Variants in ZBBX observed in about 807,000 individuals in gnomAD.
ZBBX encodes the protein zinc finger B-box domain containing.
Under a neutral mutation model 108.5 loss-of-function variants are expected in ZBBX, and 101 were observed. The ratio of observed to expected loss-of-function variants is 0.93; its 90% CI spans 0.79 to 1.10. The LOEUF is 1.10. Among genes scored for constraint, ZBBX ranks in the 50% least tolerant of loss-of-function variants. ZBBX has a pLI of 0.00. For missense variants in ZBBX, 1,009 were observed against 941.4 expected (o/e 1.07, Z -0.94); for synonymous variants, 356 against 323.4 (o/e 1.10, Z -1.08).
the ZBBX span, among the ~76,000 whole-genome samples, chr3:167,208,537 G>A: frequency 8.5e-5 from 13 of 152,140 alleles, no homozygotes; most frequent in Non-Finnish European, 8.8e-5. Flanking sequence ...CTTAGCTCCT[G>A]GATAACATTT....
At chr3:167,371,758 C>A (rs1187496007) in intron 4 of ZBBX, among the ~76,000 whole-genome samples, 1 of 152,094 alleles carries the variant, frequency 6.6e-6, no homozygotes, top group East Asian at 1.9e-4. Flanking sequence ...ACATGGTATA[C>A]CTAAAAATGA....
chr3:167,332,918 G>A (rs139693119), intron 10 of ZBBX, among the ~76,000 whole-genome samples: 1 of 152,184 alleles, frequency 6.6e-6, no homozygotes, highest in Non-Finnish European at 1.5e-5. Context: ...GACAAAAGGA[G>A]ATAATGTGTA....
chr3:167,374,311 C>T (rs1746619123), intron 2 of ZBBX, among the ~76,000 whole-genome samples: 1 of 152,120 alleles, frequency 6.6e-6, no homozygotes, highest in African/African-American at 2.4e-5. Context: ...GGATTTTCTG[C>T]TTAACTTTGA....
At chr3:167,261,003 C>A (rs1162724407) in intron 20 of ZBBX, among the ~76,000 whole-genome samples, 1 of 152,164 alleles carries the variant, frequency 6.6e-6, no homozygotes, top group African/African-American at 2.4e-5. Context: ...TGTTCAGATT[C>A]TTTTGTCCCA....
the ZBBX span, among the ~76,000 whole-genome samples, chr3:167,191,308 G>T: frequency 1.3e-5 from 2 of 152,262 alleles, no homozygotes; most frequent in East Asian, 3.9e-4. Context: ...ATTCTGGATG[G>T]AATCATCTTT....
intron 12 of ZBBX, among the ~76,000 whole-genome samples, chr3:167,320,243 C>A (rs200461057): frequency 2.7e-3 from 266 of 97,864 alleles, no homozygotes; most frequent in Middle Eastern, 0.012. Flanking sequence ...GCAAACTAAC[C>A]AAAAAAAAAA....
chr3:167,366,066 T>C (rs1000568078), intron 5 of ZBBX, 90 bp from the exon 6 acceptor site: 9 of 977,404 alleles, frequency 9.2e-6, no homozygotes, highest in African/African-American at 8.2e-5. Context: ...TTTCAGAAAA[T>C]GGAAATTCAG....
the ZBBX span, among the ~76,000 whole-genome samples, chr3:167,210,571 A>G: frequency 6.6e-6 from 1 of 152,172 alleles, no homozygotes. Flanking sequence ...ATAGAACACC[A>G]AGCATATTTA....
chr3:167,343,677 C>T (rs913941023), intron 9 of ZBBX, among the ~76,000 whole-genome samples: 4 of 151,888 alleles, frequency 2.6e-5, no homozygotes, highest in Admixed American at 1.3e-4. Flanking sequence ...TGTGCTACTG[C>T]TTCATATTAC....
chr3:167,292,321 C>A (rs984979968), intron 18 of ZBBX, among the ~76,000 whole-genome samples: 1 of 152,134 alleles, frequency 6.6e-6, no homozygotes, highest in African/African-American at 2.4e-5. Context: ...CCCTCCTCAG[C>A]AAATGCAAAA....
chr3:167,228,483 T>C, the ZBBX span, among the ~76,000 whole-genome samples: 2 of 151,784 alleles, frequency 1.3e-5, no homozygotes, highest in African/African-American at 2.4e-5. Flanking sequence ...AGACGAAATA[T>C]CTTTGATGGA....
chr3:167,310,538 T>C (rs1475060969), intron 16 of ZBBX, among the ~76,000 whole-genome samples: 1 of 152,156 alleles, frequency 6.6e-6, no homozygotes. Context: ...AGGAGTCTTA[T>C]AATCATGGCA....
chr3:167,376,486 A>G (rs1358366790), intron 2 of ZBBX, among the ~76,000 whole-genome samples: 2 of 152,206 alleles, frequency 1.3e-5, no homozygotes, highest in South Asian at 4.1e-4. Flanking sequence ...AATCTGTCTG[A>G]TTATTAAAAT....
chr3:167,206,124 C>T, the ZBBX span, among the ~76,000 whole-genome samples: 3 of 151,822 alleles, frequency 2.0e-5, no homozygotes, highest in African/African-American at 7.3e-5. Flanking sequence ...AATTTGTTCC[C>T]TTTGACCTAC....
At chr3:167,306,544 G>C (rs1641713842) in intron 16 of ZBBX, among the ~76,000 whole-genome samples, 1 of 152,122 alleles carries the variant, frequency 6.6e-6, no homozygotes, top group Non-Finnish European at 1.5e-5. Context: ...TTTTAACCTG[G>C]TTGCACAGTA....
intron 20 of ZBBX, 66 bp downstream of exon 20, chr3:167,282,172 A>G (rs768787643): frequency 3.0e-5 from 45 of 1,483,032 alleles, no homozygotes; most frequent in Admixed American, 4.3e-5. Context: ...AGCGCAAGAT[A>G]TGAAGAATCC....
chr3:167,220,802 T>G, the ZBBX span, among the ~76,000 whole-genome samples: 1 of 152,030 alleles, frequency 6.6e-6, no homozygotes, highest in South Asian at 2.1e-4. Flanking sequence ...CTTGTTTTCA[T>G]ATAATATCAT....
At chr3:167,248,485 C>G (rs1721984793) in intron 20 of ZBBX, 1 of 268,710 alleles carries the variant, frequency 3.7e-6, no homozygotes, top group South Asian at 3.5e-5. Context: ...AGGCGTCCCC[C>G]ACCACCAACT....
chr3:167,218,983 T>C, the ZBBX span, among the ~76,000 whole-genome samples: 2 of 62,032 alleles, frequency 3.2e-5, no homozygotes, highest in African/African-American at 1.7e-4. Context: ...GTAGCTATAC[T>C]TGTATCAAAA....
Sources: allele counts gnomAD v4.1 joint callset (sites outside exome capture counted in the v4.1 genomes callset), GRCh38; gene constraint gnomAD v4.1.1; transcripts MANE v1.5; gene names NCBI Gene and HGNC (gene_info 2026-07-23, HGNC 2026-07-21).